PACS1: variants seen among roughly 807,000 people sequenced by gnomAD.
PACS1 encodes PACS-1.
In PACS1, 24 loss-of-function variants were observed where a neutral mutation model predicts 115.0. That is an observed-to-expected ratio of 0.21 (90% CI 0.15 to 0.29). The LOEUF is 0.29. Among genes scored for constraint, PACS1 ranks in the 10% least tolerant of loss-of-function variants. PACS1 has a pLI of 1.00. For synonymous variants in PACS1, 453 were observed against 504.5 expected (o/e 0.90, Z 1.37); for missense variants, 838 against 1,251.2 (o/e 0.67, Z 4.98).
At chr11:66,202,721 T>C (rs1332327216) in intron 2 of PACS1, among the ~76,000 whole-genome samples, 13 of 24,380 alleles carry the variant, frequency 5.3e-4, no homozygotes, top group Non-Finnish European at 8.8e-4. Context: ...AAACCTCATC[T>C]CTAGGAAAAA....
intron 10 of PACS1, 55 bp downstream of exon 10, chr11:66,221,302 A>T: frequency 7.0e-7 from 1 of 1,429,586 alleles, no homozygotes. Flanking sequence ...TCAGGGCTCG[A>T]CGCTCTGGCC....
In PACS1 at chr11:66,243,181, C is replaced by T. The variant is rs1433329718; in HGVS notation, c.2793C>T (p.Val931=). ...QTMLRVSIDG[V]EWSDIKFFQL... ...CACCCCTAGTGTCCATCGATGGGGT[C>T]GAGTGGAGTGACATCAAGTTCTTCC... Residue 931 remains valine (V), a synonymous_variant, in exon 24 of 24, where the codon GTC becomes GTT. Coordinates refer to ENST00000320580, the MANE Select transcript of PACS1 (RefSeq NM_018026.4). 3.7e-6 allele frequency: 6 copies of T among 1,613,404 alleles called. No homozygotes were observed. Among genetic ancestry groups the T allele is most frequent in the East Asian group, 2.2e-5 (1 of 44,856 alleles).
intron 13 of PACS1, among the ~76,000 whole-genome samples, chr11:66,231,314 G>A (rs1855588021): frequency 6.6e-6 from 1 of 152,240 alleles, no homozygotes; most frequent in Non-Finnish European, 1.5e-5. Context: ...GATCTCATGG[G>A]ACATCCTGAC....
At chr11:66,105,566 C>A (rs1402187279) in intron 1 of PACS1, among the ~76,000 whole-genome samples, 2 of 152,166 alleles carry the variant, frequency 1.3e-5, no homozygotes, top group Non-Finnish European at 2.9e-5. Context: ...AAAATGAAAT[C>A]ATTTTAAGAC....
In PACS1 at chr11:66,233,097, T is replaced by G. The variant is rs1309775536; in HGVS notation, c.1838+31T>G. 6.7e-7 allele frequency: 1 copy of G among 1,490,550 alleles called. No homozygotes were observed. The highest frequency in any genetic ancestry group is 2.3e-5 in the East Asian group (1 of 44,384). 92.3% of individuals were successfully genotyped at this position (1,490,550 alleles called of 1,614,324 possible). A position where few individuals can be genotyped will look rare whatever the true frequency, so the allele number is the denominator to read the frequency against. ...GGCTCTGGCCTCCCTTCTCCTGCCC[T>G]TAGAGATTCCCTCTGACCTCATCTT... On this transcript the variant is annotated intron_variant, in intron 15 of 23. Coordinates refer to ENST00000320580, the MANE Select transcript of PACS1 (RefSeq NM_018026.4). This position sits in a 1 kb window ranked among gnomAD's most constrained non-coding sequence, Gnocchi z 4.5.
intron 1 of PACS1, among the ~76,000 whole-genome samples, chr11:66,180,544 A>G (rs1381295080): frequency 2.6e-5 from 4 of 151,794 alleles, no homozygotes; most frequent in Admixed American, 6.6e-5. Context: ...TAGTAGAGAC[A>G]GGGTTTCACC....
rs1218723874 is a variant in PACS1, at chr11:66,211,229, C to T, written c.630C>T (p.Thr210=). ...YKNRTILGYK[T]LAVGLINMAE... ...ATCGGACCATCTTGGGCTATAAGAC[C>T]TTGGCCGTGGGACTCATCAACATGG... The change falls in exon 4 of 24, where the codon ACC becomes ACT. Residue 210 remains threonine, a synonymous_variant. Transcript: ENST00000320580. The T allele has an allele frequency of 2.7e-5, 43 of 1,613,738 alleles. No individual in the cohort carries two copies. The highest frequency in any genetic ancestry group is 3.4e-5 in the Non-Finnish European group (40 of 1,179,686).
intron 1 of PACS1, among the ~76,000 whole-genome samples, chr11:66,132,424 G>A (rs557270513): frequency 2.7e-4 from 41 of 152,054 alleles, no homozygotes; most frequent in African/African-American, 7.7e-4. Context: ...GTGTGAAAAC[G>A]GATTAATACA....
chr11:66,118,333 C>A (rs191817275), intron 1 of PACS1, among the ~76,000 whole-genome samples: 1 of 152,114 alleles, frequency 6.6e-6, no homozygotes, highest in Non-Finnish European at 1.5e-5. Flanking sequence ...AGCCAGGGGC[C>A]GGGCGCTGTG....
intron 22 of PACS1, among the ~76,000 whole-genome samples, 155 bp downstream of exon 22, chr11:66,241,808 C>T (rs1038087745): frequency 1.3e-5 from 2 of 152,314 alleles, no homozygotes; most frequent in African/African-American, 2.4e-5. Flanking sequence ...CACCTCCCCT[C>T]GAGGGACAAG....
intron 1 of PACS1, among the ~76,000 whole-genome samples, chr11:66,158,300 A>G (rs1294485016): frequency 1.3e-5 from 2 of 152,202 alleles, no homozygotes; most frequent in East Asian, 3.8e-4. Context: ...CTTAGAGATA[A>G]GATGTTACAT....
chr11:66,119,206 T>C (rs1261243019), intron 1 of PACS1, among the ~76,000 whole-genome samples: 1 of 152,246 alleles, frequency 6.6e-6, no homozygotes, highest in Non-Finnish European at 1.5e-5. Flanking sequence ...TGTTTTTGTG[T>C]AGCCCATAAG....
intron 1 of PACS1, among the ~76,000 whole-genome samples, chr11:66,138,083 C>CATTTATTTATTT (rs1858890421): frequency 8.2e-6 from 1 of 122,310 alleles, no homozygotes; most frequent in African/African-American, 3.5e-5. Flanking sequence ...GATTTTGCCC[C>CATTTATTTATTT]GTTTATTTAT....
At chr11:66,222,916 G>A (rs986939623) in intron 10 of PACS1, among the ~76,000 whole-genome samples, 1 of 151,988 alleles carries the variant, frequency 6.6e-6, no homozygotes, top group African/African-American at 2.4e-5. Flanking sequence ...ACGTTAGTGA[G>A]GCAATGCATG....
chr11:66,076,703 T>A (rs1565097850), intron 1 of PACS1, among the ~76,000 whole-genome samples: 3 of 152,212 alleles, frequency 2.0e-5, no homozygotes, highest in Non-Finnish European at 4.4e-5. Context: ...TGGCCTGGAC[T>A]TGAAGGTGTT....
At chr11:66,205,724 G>A (rs549732859) in intron 2 of PACS1, among the ~76,000 whole-genome samples, 1 of 148,190 alleles carries the variant, frequency 6.7e-6, no homozygotes, top group South Asian at 2.1e-4. Flanking sequence ...ATACTCCTGG[G>A]CTCAAGCTAT....
intron 19 of PACS1, chr11:66,238,547 C>T: frequency 2.4e-6 from 1 of 412,530 alleles, no homozygotes; most frequent in Non-Finnish European, 4.2e-6. Context: ...GTCGCCCAGG[C>T]TGGAGTGCAG....
In PACS1 at chr11:66,090,511, C is replaced by T. The variant is rs183293096; in HGVS notation, c.356+19669C>T. ...GGTGAACTCCTGGACTCAAGTGATC[C>T]TCCTGCTTCAGCCTCCCAAAGTGCT... On this transcript the variant is annotated intron_variant, in intron 1 of 23. Transcript: ENST00000320580. Among the ~76,000 whole-genome samples, 300 of 152,158 alleles carry T rather than the reference C, an allele frequency of 2.0e-3. 2 individuals are homozygous for T. Among genetic ancestry groups the T allele is most frequent in the African/African-American group, 6.7e-3 (280 of 41,510 alleles).
At chr11:66,150,940 A>G (rs150119165) in intron 1 of PACS1, among the ~76,000 whole-genome samples, 31 of 152,302 alleles carry the variant, frequency 2.0e-4, no homozygotes, top group Non-Finnish European at 3.8e-4. Context: ...TTCAGTAGAA[A>G]GAAATGATAG....
Sources: allele counts gnomAD v4.1 joint callset (sites outside exome capture counted in the v4.1 genomes callset), GRCh38; gene constraint gnomAD v4.1.1; non-coding constraint Gnocchi (gnomAD v3.1); transcripts MANE v1.5; gene names NCBI Gene and HGNC (gene_info 2026-07-23, HGNC 2026-07-21).